The following SPICE1 variants were observed in gnomAD, a reference collection of about 807,000 sequenced individuals.
The protein encoded by SPICE1 is spindle and centriole associated protein 1.
A neutral mutation model predicts 102.7 loss-of-function variants in SPICE1; 75 were observed. That is an observed-to-expected ratio of 0.73 (90% CI 0.61 to 0.88). SPICE1 has a LOEUF of 0.88. Among genes scored for constraint, SPICE1 ranks in the 40% least tolerant of loss-of-function variants. The pLI is 0.00. For synonymous variants in SPICE1, 308 were observed against 350.3 expected, an observed-to-expected ratio of 0.88 and a Z score of 1.35; for missense variants, 979 against 1,020.1, an observed-to-expected ratio of 0.96 and a Z score of 0.55.
chr3:113,499,455 A>C lies in SPICE1; in HGVS notation c.275T>G (p.Leu92Trp). Residue 92 changes from leucine (L) to tryptophan (W), a missense_variant, in exon 4 of 18, where the codon TTG becomes TGG. By Grantham distance (61) the Leu-to-Trp change is moderately conservative. Transcript: ENST00000295872. ...PETLNLEKRR[L>W]SIMKEILSDQ... Reference sequence around the variant, plus strand: ...TAGCATTACCTCCTTCATGATAGACAATCTTCTTTTCTCAAGATTTAAAGT... The same window carrying C: ...TAGCATTACCTCCTTCATGATAGACCATCTTCTTTTCTCAAGATTTAAAGT... 3.7e-6 allele frequency: 6 copies of C among 1,612,896 alleles called. No individual in the cohort carries two copies. The highest frequency in any genetic ancestry group is 5.1e-6 in the Non-Finnish European group (6 of 1,179,706).
chr3:113,461,388 A>G (rs571059779), intron 11 of SPICE1, among the ~76,000 whole-genome samples: 1 of 151,896 alleles, frequency 6.6e-6, no homozygotes, highest in East Asian at 1.9e-4. Context: ...AAGATCACCC[A>G]CAAAATACCA....
intron 3 of SPICE1, among the ~76,000 whole-genome samples, chr3:113,501,158 G>C (rs1480191078): frequency 6.6e-6 from 1 of 152,016 alleles, no homozygotes; most frequent in African/African-American, 2.4e-5. Context: ...CATTCAATGG[G>C]GAAAGAATAG....
At chr3:113,476,273 T>C (rs567865248) in intron 7 of SPICE1, among the ~76,000 whole-genome samples, 1 of 150,802 alleles carries the variant, frequency 6.6e-6, no homozygotes, top group African/African-American at 2.5e-5. Flanking sequence ...CACTGCTGAA[T>C]GAAATAAAAG....
At chr3:113,452,315 A>G (rs924455743) in intron 14 of SPICE1, among the ~76,000 whole-genome samples, 6 of 152,204 alleles carry the variant, frequency 3.9e-5, no homozygotes, top group Admixed American at 2.0e-4. Flanking sequence ...GACCTACTCA[A>G]TCAGAAACCA....
At chr3:113,471,950 G>A (rs963090142) in intron 7 of SPICE1, among the ~76,000 whole-genome samples, 18 of 152,258 alleles carry the variant, frequency 1.2e-4, no homozygotes, top group African/African-American at 2.9e-4. Flanking sequence ...AGGACAGTGG[G>A]TGCAGTGCAC....
Position 113,515,044 on chromosome 3 carries a change from C to A in SPICE1, c.-148G>T, listed in dbSNP as rs1410291373. ...TGGTCCCTAAGGCTCGTTGGGACTG[C>A]GAGCTGCAAGCCTCAGATCCATCAT... On this transcript the variant is annotated 5_prime_UTR_variant, in exon 1 of 18. Transcript: ENST00000295872. The A allele has an allele frequency of 4.2e-6, 1 of 240,608 alleles. No individual in the cohort carries two copies. Among genetic ancestry groups the A allele is most frequent in the Non-Finnish European group, 8.1e-6 (1 of 122,858 alleles). 14.9% of individuals were successfully genotyped at this position (240,608 alleles called of 1,614,324 possible). A position where few individuals can be genotyped will look rare whatever the true frequency, so the allele number is the denominator to read the frequency against.
intron 2 of SPICE1, 54 bp from the exon 3 acceptor site, chr3:113,503,281 T>A: frequency 6.8e-7 from 1 of 1,462,738 alleles, no homozygotes; most frequent in Non-Finnish European, 9.1e-7. Context: ...TCTTATAAAA[T>A]ATACACATTT....
chr3:113,473,902 C>T (rs1936269399), intron 7 of SPICE1, among the ~76,000 whole-genome samples: 2 of 151,772 alleles, frequency 1.3e-5, no homozygotes, highest in South Asian at 2.1e-4. Flanking sequence ...AATCAGCTAA[C>T]ATCATAATGA....
intron 13 of SPICE1, 107 bp downstream of exon 13, chr3:113,457,029 A>C: frequency 9.3e-7 from 1 of 1,075,594 alleles, no homozygotes; most frequent in Non-Finnish European, 1.3e-6. Context: ...TATGTGTGGT[A>C]ATCAGTGTCT....
rs869171154 is a variant in SPICE1 at position 113,491,624 on chromosome 3, C to CAAA, written c.492+1579_492+1581dup. Among the ~76,000 whole-genome samples the CAAA allele has an allele frequency of 1.2e-3, 45 of 38,040 alleles. 1 individual carries two copies. The highest frequency in any genetic ancestry group is 3.1e-3 in the African/African-American group (36 of 11,546). 25.0% of individuals were successfully genotyped at this position (38,040 alleles called of 152,430 possible). On this transcript the variant is annotated intron_variant, in intron 6 of 17. Transcript: ENST00000295872. ...TGGGCGACAGAGCGAGACTCCGTCT[C>CAAA]AAAAAAAAAAAAAAAAAAAAAAAAA...
At chr3:113,489,191 ATCT>A (rs981492756) in intron 6 of SPICE1, 128 bp from the exon 7 acceptor site, 2 of 608,090 alleles carry the variant, frequency 3.3e-6, no homozygotes, top group East Asian at 2.8e-5. Flanking sequence ...TAGAACACAA[ATCT>A]TCTCACATCC....
chr3:113,448,258 T>C, intron 15 of SPICE1, 118 bp from the exon 16 acceptor site: 4 of 887,164 alleles, frequency 4.5e-6, no homozygotes, highest in Non-Finnish European at 6.5e-6. Flanking sequence ...CCATCTGTTT[T>C]AATCTTAGCC....
intron 7 of SPICE1, among the ~76,000 whole-genome samples, 179 bp downstream of exon 7, chr3:113,488,766 G>A (rs1054888686): frequency 2.6e-5 from 4 of 152,130 alleles, no homozygotes; most frequent in African/African-American, 9.7e-5. Flanking sequence ...ATGAATCTGA[G>A]TAAAGAGTAT....
intron 12 of SPICE1, among the ~76,000 whole-genome samples, chr3:113,458,185 GTCTCCCTCTCCCGT>G: frequency 3.1e-3 from 1 of 324 alleles, no homozygotes; most frequent in East Asian, 0.1. Flanking sequence ...TCCCTCTCCC[GTCTCCCTCTCCCGT>G]CTCCCTCTCC....
In SPICE1 at chr3:113,442,884, T is replaced by C. The variant is rs1935417381; in HGVS notation, c.*2423A>G. ...TGGTATATCTAGGTGCCAGAAAAGA[T>C]AGAAAACATAGGGTAAACTTATTTT... On this transcript the variant is annotated 3_prime_UTR_variant, in exon 18 of 18. Transcript: ENST00000295872. 6.6e-6 allele frequency: 1 copy of C among 152,222 alleles called. No homozygotes were observed. The highest frequency in any genetic ancestry group is 1.5e-5 in the Non-Finnish European group (1 of 68,030). The allele number at this position is 152,222 out of a possible 1,614,324, so 9.4% of individuals were successfully genotyped here.
intron 7 of SPICE1, among the ~76,000 whole-genome samples, chr3:113,485,492 G>A (rs1386898446): frequency 3.3e-5 from 5 of 152,204 alleles, no homozygotes; most frequent in South Asian, 2.1e-4. Context: ...GGAGCCTACC[G>A]AAGCTCAGCA....
rs374212056 is a variant in SPICE1 at position 113,499,557 on chromosome 3, G to T, written c.173C>A (p.Ser58Ter). ...CCAGTGTACTAATGCTCTATTCTTC[G>T]ATTTGTGTATTTCATGACGGCGTAC... ...DLVRRHEIHK[S>*]KNRALVHWEL... Residue 58 changes from serine (S) to a stop codon, truncating the protein, a stop_gained, in exon 4 of 18, where the codon TCG becomes TAG. Transcript: ENST00000295872. LOFTEE classifies it high-confidence loss of function. 49 of 1,609,884 alleles carry T rather than the reference G, an allele frequency of 3.0e-5. No homozygotes were observed. The highest frequency in any genetic ancestry group is 3.5e-5 in the Non-Finnish European group (41 of 1,178,456).
At chr3:113,510,391 C>G (rs901919359) in intron 1 of SPICE1, among the ~76,000 whole-genome samples, 1 of 152,118 alleles carries the variant, frequency 6.6e-6, no homozygotes, top group Non-Finnish European at 1.5e-5. Flanking sequence ...GCTACAGTAA[C>G]CAAAACAGCA....
chr3:113,475,204 G>A (rs540510333), intron 7 of SPICE1, among the ~76,000 whole-genome samples: 72 of 152,242 alleles, frequency 4.7e-4, no homozygotes, highest in African/African-American at 1.5e-3. Flanking sequence ...TAAATTCCTC[G>A]ACACATACAT....
Sources: allele counts gnomAD v4.1 joint callset (sites outside exome capture counted in the v4.1 genomes callset), GRCh38; gene constraint gnomAD v4.1.1; transcripts MANE v1.5; gene names NCBI Gene and HGNC (gene_info 2026-07-23, HGNC 2026-07-21).